CCNG1: variants seen among roughly 807,000 people sequenced by gnomAD.
CCNG1 encodes the protein cyclin-G1.
CCNG1 carries 13 observed loss-of-function variants against 30.0 expected under a neutral mutation model. That is an observed-to-expected ratio of 0.43 (90% CI 0.28 to 0.69). The LOEUF (loss-of-function observed/expected upper bound fraction) is 0.69, where lower values mean the gene tolerates loss of function less well. Among genes scored for constraint, CCNG1 ranks in the 30% least tolerant of loss-of-function variants. The pLI is 0.16. For missense variants in CCNG1, 285 were observed against 331.4 expected, an observed-to-expected ratio of 0.86 and a Z score of 1.09; for synonymous variants, 110 against 121.5, an observed-to-expected ratio of 0.91 and a Z score of 0.62.
chr5:163,454,400 G>A, the CCNG1 span, among the ~76,000 whole-genome samples: 1 of 152,106 alleles, frequency 6.6e-6, no homozygotes, highest in Non-Finnish European at 1.5e-5. Flanking sequence ...GGAGTGCAAT[G>A]GTGCGACCTC....
the CCNG1 span, chr5:163,457,091 AACAC>A: frequency 3.4e-6 from 5 of 1,490,862 alleles, no homozygotes; most frequent in Non-Finnish European, 4.6e-6. Flanking sequence ...CTAAAAAAAA[AACAC>A]ACACACACAC....
chr5:163,456,979 C>T, the CCNG1 span: 1 of 1,612,938 alleles, frequency 6.2e-7, no homozygotes, highest in Non-Finnish European at 8.5e-7. Context: ...TGGTCTTGCA[C>T]CCAAGGATCC....
At chr5:163,442,608 T>G (rs1261987920) in intron 6 of CCNG1, 40 bp downstream of exon 6, 1 of 1,447,900 alleles carries the variant, frequency 6.9e-7, no homozygotes, top group East Asian at 2.3e-5. Context: ...TAGAGAACAT[T>G]TTCCAATGCC....
downstream of CCNG1, chr5:163,448,910 G>C (rs1758108202): frequency 6.6e-6 from 1 of 152,150 alleles, no homozygotes; most frequent in African/African-American, 2.4e-5. Context: ...ATCCACTCAT[G>C]AAACTCTGCT....
chr5:163,441,998 T>C, intron 4 of CCNG1, 34 bp downstream of exon 4: 1 of 1,580,428 alleles, frequency 6.3e-7, no homozygotes, highest in South Asian at 1.1e-5. Flanking sequence ...CCTATTGATA[T>C]GATCTGTTTT....
chr5:163,455,580 G>A, the CCNG1 span, among the ~76,000 whole-genome samples: 3 of 152,128 alleles, frequency 2.0e-5, no homozygotes, highest in African/African-American at 7.2e-5. Context: ...TGGCCAACAC[G>A]GTGAAACCCC....
downstream of CCNG1, chr5:163,450,706 A>C (rs1758156939): frequency 6.6e-6 from 1 of 152,228 alleles, no homozygotes; most frequent in Non-Finnish European, 1.5e-5. Context: ...ACCTGCATAC[A>C]CTGCTGGTGG....
chr5:163,457,621 A>G, the CCNG1 span: 2 of 1,553,290 alleles, frequency 1.3e-6, no homozygotes, highest in Admixed American at 1.7e-5. Flanking sequence ...CTGAAAAATA[A>G]ACATATAAGG....
downstream of CCNG1, chr5:163,449,800 T>C (rs913262032): frequency 7.9e-5 from 12 of 152,062 alleles, no homozygotes; most frequent in African/African-American, 2.9e-4. Flanking sequence ...AAAAGACAAC[T>C]CAATGGGGAA....
At chr5:163,439,024 CAAA>C (rs5872822) in intron 1 of CCNG1, among the ~76,000 whole-genome samples, 5 of 97,250 alleles carry the variant, frequency 5.1e-5, no homozygotes, top group East Asian at 2.6e-4. Flanking sequence ...GACTCCTTCT[CAAA>C]AAAAAAAAAA....
At position 163,438,945 on chromosome 5, in the gene CCNG1, G is replaced by C. The variant is rs376961105; in HGVS notation, c.1-312G>C. 3.8e-3 allele frequency among the ~76,000 whole-genome samples: 568 copies of C among 149,338 alleles called. 5 individuals are homozygous for C. Among genetic ancestry groups the C allele is most frequent in the African/African-American group, 0.014 (546 of 40,194 alleles). On this transcript the variant is annotated intron_variant, in intron 1 of 6. Coordinates refer to ENST00000340828, the MANE Select transcript of CCNG1 (RefSeq NM_004060.4). ...GGAGGCTGAGGCAGGAGAATCGCTT[G>C]AACCAGGGAGTCGGAGGTTGCAGTG...
intron 2 of CCNG1, among the ~76,000 whole-genome samples, chr5:163,440,530 T>G (rs1757756257): frequency 6.6e-6 from 1 of 152,132 alleles, no homozygotes. Context: ...CTGGATAAAG[T>G]TTTGACTGTG....
At chr5:163,453,385 T>C in the CCNG1 span, 1 of 152,246 alleles carries the variant, frequency 6.6e-6, no homozygotes, top group African/African-American at 2.4e-5. Context: ...TCCACTTCTA[T>C]TGTTAGGGTT....
rs5872822 is a variant in CCNG1, at chr5:163,439,024, CA to C, written c.1-216del. On this transcript the variant is annotated intron_variant, in intron 1 of 6. Transcript: ENST00000340828. ...CTGGCAACAGAGCGAGACTCCTTCT[CA>C]AAAAAAAAAAAAAAAAGCATGGTTC... is the stretch of plus-strand genomic sequence containing the variant. Among the ~76,000 whole-genome samples the C allele has an allele frequency of 5.8e-3, 568 of 97,202 alleles. 3 individuals are homozygous for C. The highest frequency in any genetic ancestry group is 0.015 in the African/African-American group (444 of 29,546). 63.8% of individuals were successfully genotyped at this position (97,202 alleles called of 152,430 possible). A position where few individuals can be genotyped will look rare whatever the true frequency, so the allele number is the denominator to read the frequency against.
chr5:163,442,656 T>C (rs1023882958), intron 6 of CCNG1, 88 bp downstream of exon 6: 2 of 1,054,640 alleles, frequency 1.9e-6, no homozygotes, highest in African/African-American at 1.6e-5. Flanking sequence ...ATCTTCAAAA[T>C]AAACAAAATG....
At chr5:163,457,223 C>A in the CCNG1 span, 1 of 854,754 alleles carries the variant, frequency 1.2e-6, no homozygotes, top group African/African-American at 1.7e-5. Context: ...CCTCCGCCCC[C>A]CGGGTTCAAG....
At chr5:163,445,340 GA>G (rs1333961049), downstream of CCNG1, among the ~76,000 whole-genome samples, 3 of 149,258 alleles carry the variant, frequency 2.0e-5, no homozygotes, top group African/African-American at 7.4e-5. Context: ...TGTTTTTTCT[GA>G]AACATTATAA....
At chr5:163,439,101 T>A in intron 1 of CCNG1, 156 bp from the exon 2 acceptor site, 2 of 595,764 alleles carry the variant, frequency 3.4e-6, no homozygotes, top group Non-Finnish European at 5.8e-6. Flanking sequence ...AGAAGGGAAA[T>A]AAATAACAGA....
At chr5:163,454,675 C>T in the CCNG1 span, among the ~76,000 whole-genome samples, 1 of 152,104 alleles carries the variant, frequency 6.6e-6, no homozygotes, top group African/African-American at 2.4e-5. Flanking sequence ...TTCTATATGC[C>T]ACACAAATTT....
Sources: gnomAD v4.1 joint callset for allele counts (sites outside exome capture counted in the v4.1 genomes callset) on GRCh38, gnomAD v4.1.1 for gene constraint, MANE v1.5 for transcripts, NCBI Gene and HGNC (gene_info 2026-07-23, HGNC 2026-07-21) for gene names.